Variants in GSTCD observed in about 807,000 individuals in gnomAD.
GSTCD encodes glutathione S-transferase C-terminal domain containing.
Under a neutral mutation model 68.3 loss-of-function variants are expected in GSTCD, and 44 were observed. The ratio of observed to expected loss-of-function variants is 0.64; its 90% confidence interval spans 0.51 to 0.83. GSTCD has a LOEUF of 0.83. Ranked by LOEUF, GSTCD falls within the 40% of genes least tolerant of loss-of-function variation. The pLI is 0.00. For synonymous variants in GSTCD, 273 were observed against 255.2 expected, an observed-to-expected ratio of 1.07 and a Z score of -0.67; for missense variants, 739 against 735.9, an observed-to-expected ratio of 1.00 and a Z score of -0.05.
chr4:105,778,133 T>A (rs1480540583), intron 5 of GSTCD, among the ~76,000 whole-genome samples: 2 of 152,142 alleles, frequency 1.3e-5, no homozygotes, highest in Non-Finnish European at 2.9e-5. Context: ...TGGAAGCCAA[T>A]GACATGCAAT....
chr4:105,760,657 AG>A (rs1049982687), intron 5 of GSTCD, among the ~76,000 whole-genome samples: 1 of 152,200 alleles, frequency 6.6e-6, no homozygotes, highest in Non-Finnish European at 1.5e-5. Flanking sequence ...TAGATTAAAA[AG>A]GAAGAAGAAT....
chr4:105,839,646 AAGAG>A (rs147101146), intron 10 of GSTCD, among the ~76,000 whole-genome samples: 4 of 150,888 alleles, frequency 2.7e-5, no homozygotes, highest in Non-Finnish European at 5.9e-5. Context: ...GTCTCAAGAA[AAGAG>A]AGAGAGAGAG....
chr4:105,714,933 G>T (rs1374068404), intron 1 of GSTCD, among the ~76,000 whole-genome samples: 1 of 152,070 alleles, frequency 6.6e-6, no homozygotes, highest in Non-Finnish European at 1.5e-5. Context: ...CTTTTTAAAA[G>T]AATATTTCTA....
chr4:105,838,264 G>A lies in GSTCD; in HGVS notation c.1695+375G>A, dbSNP rs576553954. ...ATGGCCCAATTCCCACAGGGCAGAA[G>A]CAAATGGGCCAGGTAACACCTGCCC... On this transcript the variant is annotated intron_variant, in intron 10 of 11. Coordinates refer to ENST00000515279, the MANE Select transcript of GSTCD (RefSeq NM_001370181.1). Among the ~76,000 whole-genome samples, 75 of 152,314 alleles carry A rather than the reference G, an allele frequency of 4.9e-4. No individual in the cohort carries two copies. The South Asian group carries it at 0.015, about 30-fold the overall frequency.
chr4:105,825,678 T>C lies in GSTCD; in HGVS notation c.1408T>C (p.Leu470=), dbSNP rs1723567793. The part of the protein sequence containing the change: ...AHMLPSCQVT[L]IENKELSLIR... ...TTTTCTGGGTAAAATCTAGGTTACA[T>C]TAATAGAAAACAAGGAATTATCATT... Residue 470 remains leucine (L), a synonymous_variant, in exon 8 of 12, where the codon TTA becomes CTA. Transcript: ENST00000515279. The C allele has an allele frequency of 6.7e-6, 10 of 1,487,606 alleles. No individual in the cohort carries two copies. The highest frequency in any genetic ancestry group is 9.4e-6 in the Non-Finnish European group (10 of 1,068,740). 92.2% of individuals were successfully genotyped at this position (1,487,606 alleles called of 1,614,324 possible). A position where few individuals can be genotyped will look rare whatever the true frequency, so the allele number is the denominator to read the frequency against.
In GSTCD at chr4:105,726,830, G is replaced by C; in HGVS notation, c.1146G>C (p.Met382Ile). 1 of 1,586,862 alleles carries C rather than the reference G, an allele frequency of 6.3e-7. No homozygotes were observed. Among genetic ancestry groups the C allele is most frequent in the Non-Finnish European group, 8.6e-7 (1 of 1,167,800 alleles). The change falls in exon 4 of 12, where the codon ATG (methionine) becomes ATC (isoleucine). Residue 382 changes from methionine (M) to isoleucine (I), a missense_variant and splice_region_variant. Coordinates refer to ENST00000515279, the MANE Select transcript of GSTCD (RefSeq NM_001370181.1). ...GGPRPTMAKL[M>I]EKGIEVMFSP... ...CAAGACCAACCATGGCCAAGTTAATGGTACTTAATTATTAACATTTTCTTT... is the reference window on the plus strand; with the variant it reads ...CAAGACCAACCATGGCCAAGTTAATCGTACTTAATTATTAACATTTTCTTT...
Position 105,847,711 on chromosome 4 carries a change from C to T in GSTCD, c.*2134C>T, listed in dbSNP as rs576638737. 5.3e-5 allele frequency: 8 copies of T among 152,172 alleles called. No individual in the cohort carries two copies. The highest frequency in any genetic ancestry group is 1.4e-4 in the African/African-American group (6 of 41,516). 9.4% of individuals were successfully genotyped at this position (152,172 alleles called of 1,614,324 possible). A position where few individuals can be genotyped will look rare whatever the true frequency, so the allele number is the denominator to read the frequency against. On this transcript the variant is annotated 3_prime_UTR_variant, in exon 12 of 12. Coordinates refer to ENST00000515279, the MANE Select transcript of GSTCD (RefSeq NM_001370181.1). ...TCTGTGTTCTTTCTAATAAATTTTA[C>T]GAACTCTGAGGTTATAAGATTTCTC...
intron 5 of GSTCD, among the ~76,000 whole-genome samples, chr4:105,780,745 G>A (rs1735246109): frequency 6.6e-6 from 1 of 152,108 alleles, no homozygotes; most frequent in African/African-American, 2.4e-5. Context: ...TTATGAAATT[G>A]CTTGAATAGT....
intron 5 of GSTCD, among the ~76,000 whole-genome samples, chr4:105,758,773 A>C (rs1734289641): frequency 6.6e-6 from 1 of 152,198 alleles, no homozygotes; most frequent in Admixed American, 6.5e-5. Context: ...GTAGGGCTTA[A>C]CTAGTTTATT....
chr4:105,822,854 C>A (rs1405017886), intron 5 of GSTCD, 100 bp from the exon 6 acceptor site: 30 of 748,430 alleles, frequency 4.0e-5, no homozygotes, highest in Non-Finnish European at 6.0e-5. Context: ...TATGCTCCTC[C>A]CCCTCCTCCT....
At chr4:105,802,880 G>A (rs985131527) in intron 5 of GSTCD, among the ~76,000 whole-genome samples, 4 of 152,004 alleles carry the variant, frequency 2.6e-5, no homozygotes, top group African/African-American at 9.7e-5. Flanking sequence ...TCTGGAATCA[G>A]GAGTAAGCCA....
At chr4:105,773,230 G>C (rs1210350031) in intron 5 of GSTCD, among the ~76,000 whole-genome samples, 1 of 151,890 alleles carries the variant, frequency 6.6e-6, no homozygotes, top group Non-Finnish European at 1.5e-5. Flanking sequence ...TATCATGTCT[G>C]TTTGATTCTT....
At chr4:105,749,462 A>G (rs1280775274) in intron 5 of GSTCD, among the ~76,000 whole-genome samples, 1 of 152,058 alleles carries the variant, frequency 6.6e-6, no homozygotes, top group Non-Finnish European at 1.5e-5. Context: ...TAGCTATAGT[A>G]ATTGGAGAGA....
chr4:105,737,942 T>C (rs1378725181), intron 5 of GSTCD, among the ~76,000 whole-genome samples: 1 of 152,210 alleles, frequency 6.6e-6, no homozygotes, highest in Non-Finnish European at 1.5e-5. Flanking sequence ...GTTCTCACTC[T>C]TAGTTCCCAT....
intron 5 of GSTCD, among the ~76,000 whole-genome samples, chr4:105,759,567 C>A (rs1000458566): frequency 3.3e-5 from 5 of 152,040 alleles, no homozygotes; most frequent in Non-Finnish European, 7.4e-5. Context: ...ATGTTTGTAA[C>A]TTTTATGCCT....
At chr4:105,784,850 C>T (rs1482287493) in intron 5 of GSTCD, among the ~76,000 whole-genome samples, 1 of 152,206 alleles carries the variant, frequency 6.6e-6, no homozygotes, top group African/African-American at 2.4e-5. Context: ...CTAACTCCTG[C>T]ATCGTTTTGA....
chr4:105,791,702 C>T (rs1247792633), intron 5 of GSTCD, among the ~76,000 whole-genome samples: 1 of 152,058 alleles, frequency 6.6e-6, no homozygotes, highest in Non-Finnish European at 1.5e-5. Flanking sequence ...TTTTCCATCT[C>T]ATTCACTACT....
chr4:105,832,136 C>T (rs1191277382), intron 8 of GSTCD, among the ~76,000 whole-genome samples: 1 of 151,990 alleles, frequency 6.6e-6, no homozygotes, highest in Non-Finnish European at 1.5e-5. Context: ...AGGAAAAGAT[C>T]TAATTTTTAT....
intron 5 of GSTCD, among the ~76,000 whole-genome samples, chr4:105,774,496 T>TG (rs940832230): frequency 4.5e-4 from 68 of 152,370 alleles, no homozygotes; most frequent in African/African-American, 1.2e-3. Context: ...TACTGGTTTT[T>TG]CCTTTCCATA....
Sources: allele counts gnomAD v4.1 joint callset (sites outside exome capture counted in the v4.1 genomes callset), GRCh38; gene constraint gnomAD v4.1.1; transcripts MANE v1.5; gene names NCBI Gene and HGNC (gene_info 2026-07-23, HGNC 2026-07-21).